The following CASP6 variants were observed in gnomAD, a reference collection of about 807,000 sequenced individuals.
CASP6 encodes caspase-6.
Under a neutral mutation model 31.8 loss-of-function variants are expected in CASP6, and 20 were observed. The observed-to-expected ratio is 0.63, with a 90% CI of 0.44 to 0.91. The LOEUF (loss-of-function observed/expected upper bound fraction) is 0.91, where lower values mean the gene tolerates loss of function less well. CASP6 is among the 40% of genes least tolerant of loss of function. CASP6 has a pLI of 0.00. For missense variants in CASP6, 328 were observed against 361.1 expected, an observed-to-expected ratio of 0.91 and a Z score of 0.74; for synonymous variants, 130 against 127.8, an observed-to-expected ratio of 1.02 and a Z score of -0.12.
At chr4:109,701,781 C>G (rs999119115) in intron 1 of CASP6, among the ~76,000 whole-genome samples, 4 of 152,138 alleles carry the variant, frequency 2.6e-5, no homozygotes, top group Non-Finnish European at 5.9e-5. Context: ...CTCACAGCTC[C>G]ACAGCTCAGG....
At chr4:109,699,122 G>A (rs1249685794) in intron 1 of CASP6, among the ~76,000 whole-genome samples, 2 of 152,186 alleles carry the variant, frequency 1.3e-5, no homozygotes, top group Admixed American at 6.5e-5. Flanking sequence ...TTGGCCAGTG[G>A]CTTCTACACT....
Position 109,689,461 on chromosome 4 carries a change from G to T in CASP6, c.751C>A (p.Leu251Met), listed in dbSNP as rs1186826761. Residue 251 changes from leucine (L) to methionine (M), a missense_variant, in exon 7 of 7, where the codon CTG becomes ATG. Leu to Met is a conservative substitution (Grantham distance 15). Coordinates refer to ENST00000265164, the MANE Select transcript of CASP6 (RefSeq NM_001226.4). ...CGCTGAGAAACTTTCCTGTTCACCAGTGTGAGGAGTTCTGTGAACTCTAAG... is the reference window on the plus strand; with the variant it reads ...CGCTGAGAAACTTTCCTGTTCACCATTGTGAGGAGTTCTGTGAACTCTAAG... Reference protein sequence around the residue: ...SSLEFTELLTLVNRKVSQRRV... With the variant: ...SSLEFTELLTMVNRKVSQRRV... 6.2e-7 allele frequency: 1 copy of T among 1,614,192 alleles called. No homozygotes were observed. Among genetic ancestry groups the T allele is most frequent in the South Asian group, 1.1e-5 (1 of 91,076 alleles).
upstream of CASP6, among the ~76,000 whole-genome samples, chr4:109,704,905 T>C (rs962422254): frequency 3.9e-5 from 6 of 152,206 alleles, no homozygotes; most frequent in Non-Finnish European, 5.9e-5. Flanking sequence ...AGTTTCACCA[T>C]GTTTGGCCAG....
upstream of CASP6, among the ~76,000 whole-genome samples, chr4:109,704,946 C>A (rs574256164): frequency 6.6e-6 from 1 of 152,314 alleles, no homozygotes; most frequent in East Asian, 1.9e-4. Flanking sequence ...CTTGAGCAAT[C>A]TGCCCGCCTC....
chr4:109,688,197 A>G (rs904785728), downstream of CASP6: 3 of 152,284 alleles, frequency 2.0e-5, no homozygotes, highest in Non-Finnish European at 2.9e-5. Flanking sequence ...CAGGTATCGA[A>G]GCCAAAACAG....
chr4:109,707,091 A>T (rs1273964626), upstream of CASP6, among the ~76,000 whole-genome samples: 1 of 152,226 alleles, frequency 6.6e-6, no homozygotes, highest in African/African-American at 2.4e-5. Context: ...TTTTAAAATT[A>T]AGGTATATAC....
At chr4:109,687,369 T>C (rs1729870084), downstream of CASP6, 2 of 574,878 alleles carry the variant, frequency 3.5e-6, no homozygotes, top group African/African-American at 1.9e-5. Context: ...AAGAAAAATA[T>C]ATATATATTT....
At chr4:109,684,504 T>C, downstream of CASP6, 1 of 1,614,092 alleles carries the variant, frequency 6.2e-7, no homozygotes, top group Non-Finnish European at 8.5e-7. Context: ...TGGGCTGGAT[T>C]GGCACTGCTG....
chr4:109,693,459 G>A (rs1033046086), intron 5 of CASP6, among the ~76,000 whole-genome samples: 2 of 152,084 alleles, frequency 1.3e-5, no homozygotes, highest in East Asian at 1.9e-4. Flanking sequence ...AGGCCAAGGC[G>A]GGCAGATCAC....
At chr4:109,684,840 G>A (rs1260137043), downstream of CASP6, 1 of 498,568 alleles carries the variant, frequency 2.0e-6, no homozygotes, top group African/African-American at 2.0e-5. Flanking sequence ...TAACTTCTTT[G>A]GAGAAGTAAT....
At chr4:109,706,174 C>CATACAT (rs1277675493), upstream of CASP6, among the ~76,000 whole-genome samples, 128 of 91,908 alleles carry the variant, frequency 1.4e-3, 4 homozygotes, top group African/African-American at 5.4e-3. Flanking sequence ...TATATATACA[C>CATACAT]ACACACATAT....
the CASP6 span, among the ~76,000 whole-genome samples, chr4:109,674,855 A>ATG: frequency 6.6e-6 from 1 of 152,248 alleles, no homozygotes; most frequent in Admixed American, 6.5e-5. Flanking sequence ...CACTTTTTAA[A>ATG]TGTGTGTGTT....
chr4:109,673,087 C>T, the CASP6 span, among the ~76,000 whole-genome samples: 2 of 152,182 alleles, frequency 1.3e-5, 1 homozygote, highest in Non-Finnish European at 2.9e-5. Flanking sequence ...TCTCTTTTAA[C>T]ATCAGGGCAG....
intron 3 of CASP6, among the ~76,000 whole-genome samples, chr4:109,697,321 G>A (rs1197314361): frequency 6.6e-6 from 1 of 151,826 alleles, no homozygotes; most frequent in East Asian, 1.9e-4. Context: ...GCCCAGCCTG[G>A]AGTGCAGTGG....
the CASP6 span, among the ~76,000 whole-genome samples, chr4:109,665,123 C>T: frequency 0.051 from 7,689 of 152,110 alleles, 676 homozygotes; most frequent in African/African-American, 0.18. Flanking sequence ...CACCCAAAGT[C>T]CATAGTTTAC....
chr4:109,704,433 G>A (rs917215567), upstream of CASP6, among the ~76,000 whole-genome samples: 1 of 152,210 alleles, frequency 6.6e-6, no homozygotes, highest in African/African-American at 2.4e-5. Flanking sequence ...GAAAGTTCTA[G>A]TTGGTCTGGA....
chr4:109,668,452 A>G, the CASP6 span, among the ~76,000 whole-genome samples: 2 of 151,860 alleles, frequency 1.3e-5, no homozygotes, highest in African/African-American at 4.8e-5. Flanking sequence ...TAATATAGCT[A>G]TTTCAGCTTT....
At chr4:109,709,288 T>C in the CASP6 span, among the ~76,000 whole-genome samples, 5 of 152,194 alleles carry the variant, frequency 3.3e-5, no homozygotes, top group East Asian at 5.8e-4. Context: ...CAGTGTGTTT[T>C]AACAAGCCTG....
At chr4:109,701,978 A>G (rs1235960841) in intron 1 of CASP6, among the ~76,000 whole-genome samples, 1 of 152,176 alleles carries the variant, frequency 6.6e-6, no homozygotes, top group Non-Finnish European at 1.5e-5. Context: ...TTCTACTGTC[A>G]TCGTCTTCAT....
Sources: gnomAD v4.1 joint callset for allele counts (sites outside exome capture counted in the v4.1 genomes callset) on GRCh38, gnomAD v4.1.1 for gene constraint, MANE v1.5 for transcripts, NCBI Gene and HGNC (gene_info 2026-07-23, HGNC 2026-07-21) for gene names.